DNM3: variants seen among roughly 807,000 people sequenced by gnomAD.
The protein encoded by DNM3 is dynamin 3, also known as dynamin-3.
DNM3 carries 47 observed loss-of-function variants against 101.6 expected under a neutral mutation model. The observed-to-expected ratio is 0.46, with a 90% CI of 0.37 to 0.59. The LOEUF is 0.59. Ranked by LOEUF, DNM3 falls within the 20% of genes least tolerant of loss-of-function variation. DNM3 has a pLI of 0.00. For synonymous variants in DNM3, 385 were observed against 387.9 expected, an observed-to-expected ratio of 0.99 and a Z score of 0.09; for missense variants, 849 against 1,085.7, an observed-to-expected ratio of 0.78 and a Z score of 3.06.
At chr1:172,230,779 C>G (rs1345779581) in intron 14 of DNM3, among the ~76,000 whole-genome samples, 1 of 152,084 alleles carries the variant, frequency 6.6e-6, no homozygotes, top group Non-Finnish European at 1.5e-5. Context: ...ACTTTTCTAG[C>G]CATATCCTGC....
chr1:171,867,569 G>A (rs557902355), intron 1 of DNM3, among the ~76,000 whole-genome samples: 1 of 152,146 alleles, frequency 6.6e-6, no homozygotes, highest in South Asian at 2.1e-4. Flanking sequence ...CACCCAAACT[G>A]GTTTTTGTAT....
At chr1:172,186,474 G>T (rs1331904162) in intron 14 of DNM3, among the ~76,000 whole-genome samples, 2 of 151,616 alleles carry the variant, frequency 1.3e-5, no homozygotes, top group Admixed American at 6.6e-5. Flanking sequence ...TAATATAGAA[G>T]AGATATAATA....
At chr1:171,954,624 C>T (rs528868178) in intron 2 of DNM3, among the ~76,000 whole-genome samples, 8 of 152,272 alleles carry the variant, frequency 5.3e-5, no homozygotes, top group Non-Finnish European at 7.3e-5. Context: ...TGGGCAGCGG[C>T]GTTTTACATC....
chr1:172,252,989 A>G (rs959278469), intron 14 of DNM3, among the ~76,000 whole-genome samples: 2 of 152,088 alleles, frequency 1.3e-5, no homozygotes, highest in African/African-American at 2.4e-5. Context: ...TCTAGACCCA[A>G]ATGAGCAAGT....
chr1:172,274,169 C>G lies in DNM3; in HGVS notation c.1769+20487C>G, dbSNP rs142947476. Among the ~76,000 whole-genome samples, 470 of 152,030 alleles carry G rather than the reference C, an allele frequency of 3.1e-3. 8 individuals are homozygous for G. The East Asian group carries it at 0.044, about 14-fold the overall frequency. ...GCATCGAAAGCCATGTCACTCAGTC[C>G]CCTCCTACTCAACCCCAATATAAAA... On this transcript the variant is annotated intron_variant, in intron 15 of 20. Coordinates refer to ENST00000627582, the MANE Select transcript of DNM3 (RefSeq NM_015569.5).
intron 14 of DNM3, among the ~76,000 whole-genome samples, chr1:172,152,641 T>A (rs1300712541): frequency 6.6e-6 from 1 of 152,126 alleles, no homozygotes; most frequent in Non-Finnish European, 1.5e-5. Flanking sequence ...TGCATTCCCA[T>A]ACTATATCAT....
At chr1:171,999,578 A>C (rs914174336) in intron 4 of DNM3, among the ~76,000 whole-genome samples, 2 of 152,098 alleles carry the variant, frequency 1.3e-5, no homozygotes, top group Admixed American at 1.3e-4. Context: ...ATACAGGTTT[A>C]AACTGTGCTC....
Position 172,409,925 on chromosome 1 carries a change from A to G in DNM3, c.*2084A>G, listed in dbSNP as rs750973337. ...ACTGGTGTGTTCTTAGATCAGCACA[A>G]ACCATGTCAAAAAAAATTGGAGATT... On this transcript the variant is annotated 3_prime_UTR_variant, in exon 21 of 21. Coordinates refer to ENST00000627582, the MANE Select transcript of DNM3 (RefSeq NM_015569.5). 14 of 985,730 alleles carry G rather than the reference A, an allele frequency of 1.4e-5. No individual in the cohort carries two copies. Among genetic ancestry groups the G allele is most frequent in the Non-Finnish European group, 1.7e-5 (14 of 829,860 alleles). 61.1% of individuals were successfully genotyped at this position (985,730 alleles called of 1,614,324 possible).
intron 10 of DNM3, among the ~76,000 whole-genome samples, chr1:172,065,935 T>C (rs543962919): frequency 1.3e-5 from 2 of 152,318 alleles, no homozygotes; most frequent in African/African-American, 4.8e-5. Flanking sequence ...TTAATGTATA[T>C]GAGATCTCGT....
chr1:172,130,984 G>C (rs190288019), intron 13 of DNM3, among the ~76,000 whole-genome samples, 191 bp from the exon 14 acceptor site: 1 of 152,268 alleles, frequency 6.6e-6, no homozygotes, highest in East Asian at 1.9e-4. Context: ...TGACAGGAGA[G>C]ACTTCCCTTC....
At chr1:172,329,333 A>G (rs1208654211) in intron 17 of DNM3, among the ~76,000 whole-genome samples, 1 of 152,182 alleles carries the variant, frequency 6.6e-6, no homozygotes, top group African/African-American at 2.4e-5. Flanking sequence ...GTAAAAACCT[A>G]TCTATTTACA....
intron 14 of DNM3, among the ~76,000 whole-genome samples, chr1:172,186,435 C>A (rs1442364984): frequency 1.3e-5 from 2 of 151,278 alleles, no homozygotes; most frequent in Admixed American, 1.3e-4. Context: ...CTCCTGACCA[C>A]CTTAAGGTAG....
At position 172,038,337 on chromosome 1, in the gene DNM3, C is replaced by T. The variant is rs548635608; in HGVS notation, c.868C>T (p.Arg290Trp). 1.5e-5 allele frequency: 25 copies of T among 1,613,248 alleles called. No homozygotes were observed. The highest frequency in any genetic ancestry group is 4.0e-5 in the African/African-American group (3 of 74,974). Reference sequence around the variant, plus strand: ...TGTTTAGCAACTTACCAACCACATTCGGGATACCCTACCAAACTTCAGGAA... The same window carrying T: ...TGTTTAGCAACTTACCAACCACATTTGGGATACCCTACCAAACTTCAGGAA... ...VLNQQLTNHIRDTLPNFRNKL... is the reference protein window; with the variant it reads ...VLNQQLTNHIWDTLPNFRNKL... Residue 290 changes from arginine (R) to tryptophan (W), a missense_variant, in exon 7 of 21, where the codon CGG becomes TGG. Around this residue, in one of 5 missense-constraint regions of DNM3, gnomAD observed 388 missense variants for 483.0 expected, o/e 0.80. Coordinates refer to ENST00000627582, the MANE Select transcript of DNM3 (RefSeq NM_015569.5).
Position 172,253,561 on chromosome 1 carries a change from C to T in DNM3, c.1660-12C>T, listed in dbSNP as rs750945092. The T allele has an allele frequency of 1.6e-5, 23 of 1,483,576 alleles. No homozygotes were observed. The highest frequency in any genetic ancestry group is 2.1e-5 in the Non-Finnish European group (23 of 1,101,932). 91.9% of individuals were successfully genotyped at this position (1,483,576 alleles called of 1,614,324 possible). On this transcript the variant is annotated splice_polypyrimidine_tract_variant and intron_variant, in intron 14 of 20. Coordinates refer to ENST00000627582, the MANE Select transcript of DNM3 (RefSeq NM_015569.5). Reference sequence around the variant, plus strand: ...TCTCCTCTCCCTCTTTTCTTTCTCTCTCTTATAATAGGAAAAAGAAAAGAA... The same window carrying T: ...TCTCCTCTCCCTCTTTTCTTTCTCTTTCTTATAATAGGAAAAAGAAAAGAA...
intron 20 of DNM3, chr1:172,418,235 GTCTT>G (rs1421070941): frequency 1.1e-5 from 14 of 1,261,004 alleles, no homozygotes; most frequent in Admixed American, 2.4e-5. Context: ...CTGCATCTGT[GTCTT>G]TCTTTTTGTT....
In DNM3 at chr1:171,841,782, C is replaced by T; in HGVS notation, c.126C>T (p.Ala42=). 1 of 1,610,132 alleles carries T rather than the reference C, an allele frequency of 6.2e-7. No homozygotes were observed. The highest frequency in any genetic ancestry group is 8.5e-7 in the Non-Finnish European group (1 of 1,179,214). The change falls in exon 1 of 21, where the codon GCC becomes GCT. Residue 42 remains alanine, a synonymous_variant. Transcript: ENST00000627582. ...TCGCCGTGGTGGGCGGCCAGAGCGCCGGCAAGAGCTCGGTGCTCGAGAACT... is the reference window on the plus strand; with the variant it reads ...TCGCCGTGGTGGGCGGCCAGAGCGCTGGCAAGAGCTCGGTGCTCGAGAACT... The part of the protein sequence containing the change: ...PQIAVVGGQS[A]GKSSVLENFV...
chr1:171,944,347 T>C (rs1192970795), intron 2 of DNM3, among the ~76,000 whole-genome samples: 2 of 89,442 alleles, frequency 2.2e-5, no homozygotes, highest in African/African-American at 4.6e-5. Context: ...ATGTATTTAT[T>C]TATTTATTTA....
chr1:172,333,209 T>C (rs2066264636), intron 17 of DNM3, among the ~76,000 whole-genome samples: 1 of 152,322 alleles, frequency 6.6e-6, no homozygotes, highest in Admixed American at 6.5e-5. Context: ...CATTTGTTAA[T>C]GCGTTCATGT....
intron 14 of DNM3, among the ~76,000 whole-genome samples, chr1:172,203,448 C>T (rs1167309416): frequency 1.3e-5 from 2 of 152,158 alleles, no homozygotes; most frequent in African/African-American, 2.4e-5. Flanking sequence ...AAGGGAACAG[C>T]ATTTTAGCAG....
Sources: gnomAD v4.1 joint callset for allele counts (sites outside exome capture counted in the v4.1 genomes callset) on GRCh38, gnomAD v4.1.1 for gene constraint, gnomAD v4.1.1 regional missense constraint, MANE v1.5 for transcripts, NCBI Gene and HGNC (gene_info 2026-07-23, HGNC 2026-07-21) for gene names.